GRSF1: variants seen among roughly 807,000 people sequenced by gnomAD.
The protein encoded by GRSF1 is G-rich RNA sequence binding factor 1, also known as G-rich sequence factor 1.
GRSF1 carries 50 observed loss-of-function variants against 51.1 expected under a neutral mutation model. The observed-to-expected ratio is 0.98, with a 90% CI of 0.78 to 1.24. The LOEUF is 1.24. Among genes scored for constraint, GRSF1 ranks in the 50% most tolerant of loss-of-function variants. The probability of loss-of-function intolerance (pLI) is 0.00; values close to 1 mark genes in which losing one functional copy is unlikely to be tolerated. For synonymous variants in GRSF1, 293 were observed against 253.3 expected (o/e 1.16, Z -1.49); for missense variants, 700 against 639.7 (o/e 1.09, Z -1.02).
intron 1 of GRSF1, chr4:70,839,040 G>C: frequency 5.2e-6 from 5 of 953,038 alleles, no homozygotes; most frequent in Non-Finnish European, 7.0e-6. Context: ...GAGGCGCCGA[G>C]GGCCGCCCAG....
chr4:70,829,696 A>G (rs1289002497), intron 5 of GRSF1, among the ~76,000 whole-genome samples: 1 of 152,070 alleles, frequency 6.6e-6, no homozygotes, highest in Non-Finnish European at 1.5e-5. Flanking sequence ...TACCAGCTAC[A>G]AGGAAAGCTG....
rs185390546 is a variant in GRSF1, at chr4:70,820,169, T to C, written c.*718A>G. ...CAAAAAAAGCCAGGGAGGGACAGTT[T>C]AGACAACTTTTAAGTTAAGACTAGA... On this transcript the variant is annotated 3_prime_UTR_variant, in exon 10 of 10. Transcript: ENST00000254799. 1,661 of 152,378 alleles carry C rather than the reference T, an allele frequency of 0.011. 28 individuals are homozygous for C. The highest frequency in any genetic ancestry group is 0.038 in the African/African-American group (1,576 of 41,564). 9.4% of individuals were successfully genotyped at this position (152,378 alleles called of 1,614,324 possible). A position where few individuals can be genotyped will look rare whatever the true frequency, so the allele number is the denominator to read the frequency against.
At position 70,818,693 on chromosome 4, in the gene GRSF1, C is replaced by T. The variant is rs565060285; in HGVS notation, c.*2194G>A. Reference sequence around the variant, plus strand: ...CTTCTCAGAGTTCTCCCTTGCACTCCGTAAGCAGCAGCTAGGCTAAAGCAG... The same window carrying T: ...CTTCTCAGAGTTCTCCCTTGCACTCTGTAAGCAGCAGCTAGGCTAAAGCAG... On this transcript the variant is annotated 3_prime_UTR_variant, in exon 10 of 10. Coordinates refer to ENST00000254799, the MANE Select transcript of GRSF1 (RefSeq NM_002092.4). 1 of 152,214 alleles carries T rather than the reference C, an allele frequency of 6.6e-6. No homozygotes were observed. Among genetic ancestry groups the T allele is most frequent in the Non-Finnish European group, 1.5e-5 (1 of 68,058 alleles). The allele number at this position is 152,214 out of a possible 1,614,324, so 9.4% of individuals were successfully genotyped here.
intron 7 of GRSF1, chr4:70,825,694 G>A (rs1578296153): frequency 3.2e-6 from 1 of 311,828 alleles, no homozygotes; most frequent in East Asian, 6.2e-5. Context: ...CACTTTGGGA[G>A]GCCGAGGACA....
chr4:70,833,061 G>C (rs1016553277), intron 3 of GRSF1, 57 bp downstream of exon 3: 3 of 1,478,050 alleles, frequency 2.0e-6, no homozygotes, highest in African/African-American at 1.4e-5. Flanking sequence ...AAACTACCTT[G>C]AAAAGTATAA....
chr4:70,825,661 G>C, intron 7 of GRSF1: 1 of 354,456 alleles, frequency 2.8e-6, no homozygotes, highest in East Asian at 4.6e-5. Context: ...AGCGAGCATG[G>C]TGGCTCACAC....
chr4:70,836,456 C>G, intron 1 of GRSF1, 142 bp from the exon 2 acceptor site: 2 of 609,954 alleles, frequency 3.3e-6, no homozygotes, highest in Non-Finnish European at 5.4e-6. Context: ...CCAATGTAAC[C>G]CATCCTGTTT....
At chr4:70,837,940 C>T (rs576428808) in intron 1 of GRSF1, among the ~76,000 whole-genome samples, 2 of 151,846 alleles carry the variant, frequency 1.3e-5, no homozygotes, top group East Asian at 2.0e-4. Flanking sequence ...TTCATTAAGG[C>T]TTAATGTTAG....
Position 70,817,650 on chromosome 4 carries a change from A to G in GRSF1, c.*3237T>C, listed in dbSNP as rs902542043. 2 of 152,106 alleles carry G rather than the reference A, an allele frequency of 1.3e-5. No individual in the cohort carries two copies. Among genetic ancestry groups the G allele is most frequent in the African/African-American group, 4.8e-5 (2 of 41,402 alleles). 9.4% of individuals were successfully genotyped at this position (152,106 alleles called of 1,614,324 possible). A position where few individuals can be genotyped will look rare whatever the true frequency, so the allele number is the denominator to read the frequency against. On this transcript the variant is annotated 3_prime_UTR_variant, in exon 10 of 10. Coordinates refer to ENST00000254799, the MANE Select transcript of GRSF1 (RefSeq NM_002092.4). ...CTAATGAGGGTGAGGAGCTACAGGA[A>G]CTCTTATTCATTGTCAATGGGAATT...
upstream of GRSF1, among the ~76,000 whole-genome samples, chr4:70,842,041 G>T (rs528338768): frequency 6.6e-6 from 1 of 152,320 alleles, no homozygotes; most frequent in South Asian, 2.1e-4. Context: ...GGGAGAGGGG[G>T]TGTGGGAAGG....
chr4:70,829,407 G>C (rs906565298), intron 5 of GRSF1, among the ~76,000 whole-genome samples: 16 of 151,018 alleles, frequency 1.1e-4, no homozygotes, highest in Admixed American at 7.3e-4. Context: ...TATAATCCCA[G>C]TACTTTGGGA....
Position 70,831,649 on chromosome 4 carries a change from A to C in GRSF1, c.840T>G (p.Phe280Leu). 6.2e-7 allele frequency: 1 copy of C among 1,613,500 alleles called. No individual in the cohort carries two copies. Among genetic ancestry groups the C allele is most frequent in the Non-Finnish European group, 8.5e-7 (1 of 1,179,650 alleles). ...TTCGCCTCCCTCTATAGTCCATCACAAAAGTAATGTCAACTATATTCAGTC... is the reference window on the plus strand; with the variant it reads ...TTCGCCTCCCTCTATAGTCCATCACCAAAGTAATGTCAACTATATTCAGTC... The part of the protein sequence containing the change: ...FAGLNIVDIT[F>L]VMDYRGRRKT... The change falls in exon 5 of 10, where the codon TTT (phenylalanine) becomes TTG (leucine). Residue 280 changes from phenylalanine (F) to leucine (L), a missense_variant. Transcript: ENST00000254799.
intron 1 of GRSF1, among the ~76,000 whole-genome samples, chr4:70,837,917 C>T (rs1734282828): frequency 1.3e-5 from 2 of 151,774 alleles, no homozygotes; most frequent in South Asian, 4.2e-4. Context: ...CGCGCCCAGC[C>T]CTATCTATAA....
rs1733358035 is a variant in GRSF1 at position 70,817,530 on chromosome 4, G to A, written c.*3357C>T. On this transcript the variant is annotated 3_prime_UTR_variant, in exon 10 of 10. Transcript: ENST00000254799. ...TATAAGGATGGCAGATTAAGTATATGAAAAGGTGCTCCACATCACTATGGG... is the reference window on the plus strand; with the variant it reads ...TATAAGGATGGCAGATTAAGTATATAAAAAGGTGCTCCACATCACTATGGG... 1 of 152,206 alleles carries A rather than the reference G, an allele frequency of 6.6e-6. No homozygotes were observed. The highest frequency in any genetic ancestry group is 2.4e-5 in the African/African-American group (1 of 41,454). The allele number at this position is 152,206 out of a possible 1,614,324, so 9.4% of individuals were successfully genotyped here.
At chr4:70,826,810 T>C (rs1452731882) in intron 6 of GRSF1, among the ~76,000 whole-genome samples, 1 of 152,176 alleles carries the variant, frequency 6.6e-6, no homozygotes, top group Non-Finnish European at 1.5e-5. Flanking sequence ...ATTGTGCCAC[T>C]GCACTCCAGA....
At chr4:70,828,632 G>A (rs1434530839) in intron 5 of GRSF1, among the ~76,000 whole-genome samples, 1 of 151,918 alleles carries the variant, frequency 6.6e-6, no homozygotes, top group African/African-American at 2.4e-5. Context: ...GCAGTGGTGT[G>A]AACATGGCTC....
At chr4:70,829,467 G>A (rs2148840871) in intron 5 of GRSF1, among the ~76,000 whole-genome samples, 1 of 151,960 alleles carries the variant, frequency 6.6e-6, no homozygotes, top group African/African-American at 2.4e-5. Flanking sequence ...ACCAGCTTGG[G>A]CAACATGCAA....
chr4:70,833,614 T>C (rs1052868628), intron 2 of GRSF1, among the ~76,000 whole-genome samples: 1 of 152,344 alleles, frequency 6.6e-6, no homozygotes, highest in Admixed American at 6.5e-5. Context: ...TATACATAAG[T>C]GTCTTCCTTT....
Position 70,819,781 on chromosome 4 carries a change from AAAGT to A in GRSF1, c.*1102_*1105del, listed in dbSNP as rs1160649839. Reference sequence around the variant, plus strand: ...TTGATTCTCCTACACAGGTGCACATAAAGTTAGTTTATTAATGACTATATTTTGA... The same window carrying A: ...TTGATTCTCCTACACAGGTGCACATATAGTTTATTAATGACTATATTTTGA... On this transcript the variant is annotated 3_prime_UTR_variant, in exon 10 of 10. Coordinates refer to ENST00000254799, the MANE Select transcript of GRSF1 (RefSeq NM_002092.4). 3 of 152,664 alleles carry A rather than the reference AAAGT, an allele frequency of 2.0e-5. No individual in the cohort carries two copies. Among genetic ancestry groups the A allele is most frequent in the Non-Finnish European group, 4.4e-5 (3 of 68,046 alleles). 9.5% of individuals were successfully genotyped at this position (152,664 alleles called of 1,614,324 possible).
Sources: allele counts gnomAD v4.1 joint callset (sites outside exome capture counted in the v4.1 genomes callset), GRCh38; gene constraint gnomAD v4.1.1; transcripts MANE v1.5; gene names NCBI Gene and HGNC (gene_info 2026-07-23, HGNC 2026-07-21).